PAWR: variants seen among roughly 807,000 people sequenced by gnomAD.
The protein encoded by PAWR is pro-apoptotic WT1 regulator.
In PAWR, 23 loss-of-function variants were observed where a neutral mutation model predicts 32.0. The observed-to-expected ratio is 0.72, with a 90% confidence interval of 0.52 to 1.02. The LOEUF (loss-of-function observed/expected upper bound fraction) is 1.02, where lower values mean the gene tolerates loss of function less well. PAWR is among the 50% of genes least tolerant of loss of function. The pLI, the probability that PAWR is intolerant of heterozygous loss-of-function variation, is 0.00. For synonymous variants in PAWR, 226 were observed against 187.1 expected, an observed-to-expected ratio of 1.21 and a Z score of -1.70; for missense variants, 457 against 437.7, an observed-to-expected ratio of 1.04 and a Z score of -0.39.
chr12:79,610,935 A>G (rs1874407560), intron 4 of PAWR, among the ~76,000 whole-genome samples: 1 of 151,514 alleles, frequency 6.6e-6, no homozygotes, highest in Non-Finnish European at 1.5e-5. Context: ...AATATGTAAG[A>G]CACATTCCAC....
chr12:79,676,837 C>G (rs1039634190), intron 2 of PAWR, among the ~76,000 whole-genome samples: 1 of 152,140 alleles, frequency 6.6e-6, no homozygotes, highest in Non-Finnish European at 1.5e-5. Flanking sequence ...CTCCTCTTCA[C>G]CTGTGCATTT....
intron 2 of PAWR, among the ~76,000 whole-genome samples, chr12:79,658,624 A>T (rs1183727038): frequency 1.3e-5 from 2 of 152,326 alleles, no homozygotes; most frequent in East Asian, 3.9e-4. Flanking sequence ...TTTCAAGAGA[A>T]TATTCATCCT....
At chr12:79,620,200 T>A (rs1874935416) in intron 3 of PAWR, among the ~76,000 whole-genome samples, 1 of 152,214 alleles carries the variant, frequency 6.6e-6, no homozygotes, top group Admixed American at 6.5e-5. Flanking sequence ...ATAAAATTTC[T>A]CTAATATATA....
In PAWR at chr12:79,621,075, C is replaced by T; in HGVS notation, c.648+1G>A. The T allele has an allele frequency of 6.3e-7, 1 of 1,593,270 alleles. No individual in the cohort carries two copies. Among genetic ancestry groups the T allele is most frequent in the Non-Finnish European group, 8.5e-7 (1 of 1,172,262 alleles). On this transcript the variant is annotated splice_donor_variant, in intron 3 of 6. Coordinates refer to ENST00000328827, the MANE Select transcript of PAWR (RefSeq NM_002583.4). LOFTEE classifies it high-confidence loss of function. ...ACTTCCTGGTATTTTTAAATACTCA[C>T]CTGTAGCAGATAGGAACTGCCTGGA...
At chr12:79,607,151 T>C (rs1447060415) in intron 4 of PAWR, among the ~76,000 whole-genome samples, 1 of 152,102 alleles carries the variant, frequency 6.6e-6, no homozygotes, top group Admixed American at 6.5e-5. Context: ...TTGCCAGGCA[T>C]GGTGGCTCAC....
chr12:79,604,415 T>C, intron 4 of PAWR: 1 of 1,032,308 alleles, frequency 9.7e-7, no homozygotes, highest in South Asian at 3.3e-5. Flanking sequence ...TACACTATTA[T>C]TCTAAAACTA....
chr12:79,669,320 T>A (rs1198108788), intron 2 of PAWR, among the ~76,000 whole-genome samples: 2 of 152,232 alleles, frequency 1.3e-5, no homozygotes, highest in Non-Finnish European at 2.9e-5. Flanking sequence ...TTTCCCTGCA[T>A]GGAGGGAATA....
intron 2 of PAWR, among the ~76,000 whole-genome samples, chr12:79,650,464 A>G (rs1445313741): frequency 6.6e-6 from 1 of 152,176 alleles, no homozygotes. Flanking sequence ...GAGGATTCAT[A>G]TTCCATATAA....
At chr12:79,622,638 C>G (rs1442966585) in intron 2 of PAWR, among the ~76,000 whole-genome samples, 1 of 152,098 alleles carries the variant, frequency 6.6e-6, no homozygotes, top group Non-Finnish European at 1.5e-5. Context: ...TAGGATGATA[C>G]AGAGAAGTCT....
chr12:79,644,361 T>C (rs991674270), intron 2 of PAWR, among the ~76,000 whole-genome samples: 4 of 152,284 alleles, frequency 2.6e-5, no homozygotes, highest in Non-Finnish European at 4.4e-5. Flanking sequence ...TCTCATTACA[T>C]AGTTTGCATC....
rs553664545 is a variant in PAWR at position 79,613,881 on chromosome 12, A to G, written c.649-272T>C. On this transcript the variant is annotated intron_variant, in intron 3 of 6. Transcript: ENST00000328827. ...AGGCCGGGGGCATCACTCATCATCC[A>G]CTCAGCTTAAATCCTCTTGAAAGTC... is the stretch of plus-strand genomic sequence containing the variant. Among the ~76,000 whole-genome samples the G allele has an allele frequency of 3.0e-4, 39 of 131,574 alleles. 1 individual carries two copies. Among genetic ancestry groups the G allele is most frequent in the African/African-American group, 9.6e-4 (36 of 37,628 alleles). 86.3% of individuals were successfully genotyped at this position (131,574 alleles called of 152,430 possible). A position where few individuals can be genotyped will look rare whatever the true frequency, so the allele number is the denominator to read the frequency against.
intron 3 of PAWR, among the ~76,000 whole-genome samples, 198 bp downstream of exon 3, chr12:79,620,878 A>G (rs1222749265): frequency 6.6e-6 from 1 of 152,174 alleles, no homozygotes; most frequent in African/African-American, 2.4e-5. Context: ...AGGATGCACA[A>G]GCCGGAAAAG....
At chr12:79,673,991 C>T (rs1878037565) in intron 2 of PAWR, among the ~76,000 whole-genome samples, 1 of 152,008 alleles carries the variant, frequency 6.6e-6, no homozygotes, top group African/African-American at 2.4e-5. Context: ...AAGCAATTTA[C>T]AGATTTAATG....
At chr12:79,606,259 G>C (rs1005718218) in intron 4 of PAWR, among the ~76,000 whole-genome samples, 1 of 152,152 alleles carries the variant, frequency 6.6e-6, no homozygotes, top group Non-Finnish European at 1.5e-5. Context: ...AACAATTTTG[G>C]AACTAGACAG....
At chr12:79,603,321 A>C (rs1487766884) in intron 4 of PAWR, among the ~76,000 whole-genome samples, 1 of 150,130 alleles carries the variant, frequency 6.7e-6, no homozygotes, top group Non-Finnish European at 1.5e-5. Flanking sequence ...AAACAACTAC[A>C]AATAAGACTG....
chr12:79,629,321 A>T (rs1434579437), intron 2 of PAWR, among the ~76,000 whole-genome samples: 1 of 152,156 alleles, frequency 6.6e-6, no homozygotes, highest in Non-Finnish European at 1.5e-5. Context: ...CATAAAACAC[A>T]TATCTAATGT....
At chr12:79,605,060 A>ATATAT (rs8176897) in intron 4 of PAWR, among the ~76,000 whole-genome samples, 3,833 of 152,176 alleles carry the variant, frequency 0.025, 165 homozygotes, top group African/African-American at 0.084. Flanking sequence ...AATATTTTAT[A>ATATAT]TATACTTTTT....
At position 79,646,219 on chromosome 12, in the gene PAWR, G is replaced by T. The variant is rs539511558; in HGVS notation, c.517-25012C>A. Reference sequence around the variant, plus strand: ...CTGGAGAAATGATGAAAGTCTGCAGGAAGTTAGTGAATCTTAAATTCAGTT... The same window carrying T: ...CTGGAGAAATGATGAAAGTCTGCAGTAAGTTAGTGAATCTTAAATTCAGTT... On this transcript the variant is annotated intron_variant, in intron 2 of 6. Coordinates refer to ENST00000328827, the MANE Select transcript of PAWR (RefSeq NM_002583.4). Among the ~76,000 whole-genome samples the T allele has an allele frequency of 2.4e-3, 368 of 152,230 alleles. 2 individuals carry two copies. The highest frequency in any genetic ancestry group is 9.2e-3 in the Admixed American group (140 of 15,284).
At position 79,589,750 on chromosome 12, in the gene PAWR, G is replaced by T. The variant is rs1041946337; in HGVS notation, c.*2857C>A. On this transcript the variant is annotated 3_prime_UTR_variant, in exon 7 of 7. Transcript: ENST00000328827. ...GGCAAGTCATGTTCATTTTAAAGATGACAAACTTACTATTTTGAAAATGAG... is the reference window on the plus strand; with the variant it reads ...GGCAAGTCATGTTCATTTTAAAGATTACAAACTTACTATTTTGAAAATGAG... 6.6e-6 allele frequency: 1 copy of T among 152,098 alleles called. No homozygotes were observed. The highest frequency in any genetic ancestry group is 2.4e-5 in the African/African-American group (1 of 41,418). The allele number at this position is 152,098 out of a possible 1,614,324, so 9.4% of individuals were successfully genotyped here. A position where few individuals can be genotyped will look rare whatever the true frequency, so the allele number is the denominator to read the frequency against.
Sources: allele counts gnomAD v4.1 joint callset (sites outside exome capture counted in the v4.1 genomes callset), GRCh38; gene constraint gnomAD v4.1.1; transcripts MANE v1.5; gene names NCBI Gene and HGNC (gene_info 2026-07-23, HGNC 2026-07-21).